Variants in APOB observed in about 807,000 individuals in gnomAD.
APOB encodes apolipoprotein B-100.
In APOB, 153 loss-of-function variants were observed where a neutral mutation model predicts 314.1. That is an observed-to-expected ratio of 0.49 (90% CI 0.43 to 0.56). APOB has a LOEUF of 0.56. Ranked by LOEUF, APOB falls within the 20% of genes least tolerant of loss-of-function variation. APOB has a pLI of 0.00. For synonymous variants in APOB, 2,087 were observed against 2,036.4 expected (o/e 1.02, Z -0.67); for missense variants, 5,430 against 5,350.7 (o/e 1.01, Z -0.46).
chr2:21,023,804 G>A (rs998688316), intron 16 of APOB, 112 bp from the exon 17 acceptor site: 23 of 898,808 alleles, frequency 2.6e-5, no homozygotes, highest in Admixed American at 2.9e-5. Context: ...GGAAAGGAAG[G>A]ACTAGCATAT....
rs776311715 is a variant in APOB, at chr2:21,002,618, C to T, written c.12804G>A (p.Met4268Ile). The T allele has an allele frequency of 6.2e-7, 1 of 1,614,060 alleles. No homozygotes were observed. The highest frequency in any genetic ancestry group is 2.2e-5 in the East Asian group (1 of 44,880). ...ATAAATCTTTCAACAGTTCCCTATA[C>T]ATCGAGATTACATCTATTAGTTTAT... ...RKHKLIDVISMYRELLKDLSK... is the reference protein window; with the variant it reads ...RKHKLIDVISIYRELLKDLSK... Residue 4268 changes from methionine (M) to isoleucine (I), a missense_variant, in exon 29 of 29, where the codon ATG (methionine) becomes ATA (isoleucine). By Grantham distance (10) the Met-to-Ile change is conservative. Coordinates refer to ENST00000233242, the MANE Select transcript of APOB (RefSeq NM_000384.3).
intron 28 of APOB, among the ~76,000 whole-genome samples, chr2:21,004,024 CT>C (rs1663063238): frequency 2.0e-5 from 3 of 152,142 alleles, no homozygotes; most frequent in Non-Finnish European, 4.4e-5. Flanking sequence ...CCTCATCTTC[CT>C]GGATTTGCCC....
chr2:21,038,316 C>CT (rs958603624), intron 4 of APOB, among the ~76,000 whole-genome samples: 33 of 151,178 alleles, frequency 2.2e-4, no homozygotes, highest in East Asian at 5.8e-4. Context: ...TTTGGTGATT[C>CT]TTTTTTTTTC....
chr2:21,013,148 A>G lies in APOB; in HGVS notation c.4216+12T>C, dbSNP rs925946878. On this transcript the variant is annotated intron_variant, in intron 25 of 28. Coordinates refer to ENST00000233242, the MANE Select transcript of APOB (RefSeq NM_000384.3). ...ACTAGCCCGGTGCACCCTTTACCTGAGCATAGCTCACCTTGCACATTGTAG... is the reference window on the plus strand; with the variant it reads ...ACTAGCCCGGTGCACCCTTTACCTGGGCATAGCTCACCTTGCACATTGTAG... The G allele has an allele frequency of 1.2e-6, 2 of 1,613,170 alleles. No individual in the cohort carries two copies. Among genetic ancestry groups the G allele is most frequent in the Non-Finnish European group, 1.7e-6 (2 of 1,179,886 alleles).
At chr2:21,040,603 G>A (rs528825545) in intron 4 of APOB, among the ~76,000 whole-genome samples, 1 of 152,306 alleles carries the variant, frequency 6.6e-6, no homozygotes, top group Non-Finnish European at 1.5e-5. Flanking sequence ...GTGCCTCTGG[G>A]ACCCCACACC....
At position 21,043,907 on chromosome 2, in the gene APOB, C is replaced by T; in HGVS notation, c.39G>A (p.Ala13=). The change falls in exon 1 of 29, where the codon GCG becomes GCA. Residue 13 remains alanine, a synonymous_variant. Coordinates refer to ENST00000233242, the MANE Select transcript of APOB (RefSeq NM_000384.3). The part of the protein sequence containing the change: ...PPRPALLALL[A]LPALLLLLLA... ...GCAGCAGCAGCAGCAGCGCAGGCAG[C>T]GCCAGCAGCGCCAGCAGCGCGGGCC... The T allele has an allele frequency of 2.9e-6, 2 of 680,220 alleles. No individual in the cohort carries two copies. The highest frequency in any genetic ancestry group is 2.1e-6 in the Non-Finnish European group (1 of 485,878). The allele number at this position is 680,220 out of a possible 1,614,324, so 42.1% of individuals were successfully genotyped here. A position where few individuals can be genotyped will look rare whatever the true frequency, so the allele number is the denominator to read the frequency against.
intron 6 of APOB, among the ~76,000 whole-genome samples, chr2:21,036,606 G>A (rs1397926643): frequency 2.6e-5 from 4 of 152,088 alleles, no homozygotes; most frequent in Non-Finnish European, 5.9e-5. Context: ...TGGTACTGGG[G>A]GTGGAAGGAC....
At position 21,009,577 on chromosome 2, in the gene APOB, C is replaced by A. The variant is rs1372688126; in HGVS notation, c.7291G>T (p.Asp2431Tyr). 1.2e-6 allele frequency: 2 copies of A among 1,613,950 alleles called. No individual in the cohort carries two copies. Among genetic ancestry groups the A allele is most frequent in the South Asian group, 1.1e-5 (1 of 91,054 alleles). ...GTTTCATCTACAAACTGGTGGTAAT[C>A]AAATGACTTTAATTTCTTTATCAAC... is the stretch of plus-strand genomic sequence containing the variant. ...DMLIKKLKSFDYHQFVDETND... is the reference protein window; with the variant it reads ...DMLIKKLKSFYYHQFVDETND... The change falls in exon 26 of 29, where the codon GAT (aspartate) becomes TAT (tyrosine). Residue 2431 changes from aspartate (D) to tyrosine (Y), a missense_variant. By Grantham distance (160) the Asp-to-Tyr change is radical (BLOSUM62 -3). This residue lies in a region of APOB where 3,281 missense variants were observed against 3,171.0 expected (regional missense o/e 1.03). Coordinates refer to ENST00000233242, the MANE Select transcript of APOB (RefSeq NM_000384.3).
At position 21,028,002 on chromosome 2, in the gene APOB, T is replaced by C; in HGVS notation, c.1893A>G (p.Arg631=). ...ESQLPTVMDF[R]KFSRNYQLYK... The stretch of plus-strand genomic sequence containing the variant: ...AGAGTTGATAGTTCCGAGAGAATTT[T>C]CTGAAGTCCATGACAGTTGGAAGTT... Residue 631 remains arginine, a synonymous_variant, in exon 14 of 29, where the codon AGA becomes AGG. Coordinates refer to ENST00000233242, the MANE Select transcript of APOB (RefSeq NM_000384.3). The C allele has an allele frequency of 1.2e-6, 2 of 1,614,178 alleles. No homozygotes were observed. The highest frequency in any genetic ancestry group is 1.7e-6 in the Non-Finnish European group (2 of 1,179,980).
intron 24 of APOB, 43 bp from the exon 25 acceptor site, chr2:21,013,576 A>C (rs752708345): frequency 1.9e-6 from 3 of 1,612,856 alleles, no homozygotes; most frequent in Non-Finnish European, 2.5e-6. Flanking sequence ...GTCAGACATC[A>C]GTCATTCAAA....
Position 21,004,593 on chromosome 2 carries a change from T to C in APOB, c.11871A>G (p.Glu3957=), listed in dbSNP as rs2103349803. Residue 3957 remains glutamate, a synonymous_variant, in exon 27 of 29, where the codon GAA becomes GAG. Coordinates refer to ENST00000233242, the MANE Select transcript of APOB (RefSeq NM_000384.3). ...CTTCATATTTGCCATCTTCTTCATA[T>C]TCTGCACTGAAGTCACGGTGTGCAA... The part of the protein sequence containing the change: ...GTFAHRDFSA[E]YEEDGKYEGL... The C allele has an allele frequency of 6.2e-7, 1 of 1,613,972 alleles. No individual in the cohort carries two copies. The highest frequency in any genetic ancestry group is 1.7e-4 in the Middle Eastern group (1 of 6,056).
Position 21,011,052 on chromosome 2 carries a change from G to A in APOB, c.5816C>T (p.Ala1939Val). Residue 1939 changes from alanine to valine, a missense_variant, in exon 26 of 29, where the codon GCA becomes GTA. Ala to Val is a moderately conservative substitution (Grantham distance 64, BLOSUM62 0). Coordinates refer to ENST00000233242, the MANE Select transcript of APOB (RefSeq NM_000384.3). ...TTTGTAATCATGAGAGAAAGTAAATGCCAGAGGTTCTGCTTTCAACAGGAA... is the reference window on the plus strand; with the variant it reads ...TTTGTAATCATGAGAGAAAGTAAATACCAGAGGTTCTGCTTTCAACAGGAA... ...SKFLLKAEPL[A>V]FTFSHDYKGS... The A allele has an allele frequency of 1.2e-6, 2 of 1,614,176 alleles. No homozygotes were observed. Among genetic ancestry groups the A allele is most frequent in the South Asian group, 1.1e-5 (1 of 91,084 alleles).
At chr2:21,037,637 T>C (rs1664039870) in intron 5 of APOB, among the ~76,000 whole-genome samples, 1 of 96,956 alleles carries the variant, frequency 1.0e-5, no homozygotes, top group South Asian at 4.6e-4. Flanking sequence ...GTGTTTAAAA[T>C]ACACACAGGA....
At position 21,002,335 on chromosome 2, in the gene APOB, T is replaced by C. The variant is rs1461045351; in HGVS notation, c.13087A>G (p.Ile4363Val). 6.2e-7 allele frequency: 1 copy of C among 1,612,610 alleles called. No homozygotes were observed. The highest frequency in any genetic ancestry group is 1.3e-5 in the African/African-American group (1 of 74,962). The change falls in exon 29 of 29, where the codon ATT becomes GTT. Residue 4363 changes from isoleucine (I) to valine (V), a missense_variant. Transcript: ENST00000233242. ...GAAGCTTCCTGAAGCTCGTTTTGAA[T>C]AAATTCATTGAACTTATGAAGATTA... ...CLNLHKFNEF[I>V]QNELQEASQE...
intron 21 of APOB, among the ~76,000 whole-genome samples, chr2:21,016,014 G>A (rs1170467377): frequency 6.6e-6 from 1 of 152,206 alleles, no homozygotes; most frequent in Non-Finnish European, 1.5e-5. Flanking sequence ...GCTTGGCCGG[G>A]TGCAGTGGCT....
Position 21,007,712 on chromosome 2 carries a change from ATTGT to A in APOB, c.9152_9155del (p.Asn3051MetfsTer5), listed in dbSNP as rs1558562316. 6.2e-7 allele frequency: 1 copy of A among 1,614,088 alleles called. No homozygotes were observed. Among genetic ancestry groups the A allele is most frequent in the Non-Finnish European group, 8.5e-7 (1 of 1,179,964 alleles). On this transcript the variant is annotated frameshift_variant, in exon 26 of 29. Transcript: ENST00000233242. LOFTEE classifies it high-confidence loss of function. Reference sequence around the variant, plus strand: ...GAAAACGAACTTTCAAATTCCCTTCATTGTTTGTGGATGCCGTGATCTCAAATGG... The same window carrying A: ...GAAAACGAACTTTCAAATTCCCTTCATTGTGGATGCCGTGATCTCAAATGG...
Position 21,002,392 on chromosome 2 carries a change from CAT to C in APOB, c.13028_13029del (p.Tyr4343CysfsTer3), listed in dbSNP as rs760832994. 1.1e-5 allele frequency: 18 copies of C among 1,602,052 alleles called. No homozygotes were observed. Among genetic ancestry groups the C allele is most frequent in the East Asian group, 6.7e-5 (3 of 44,760 alleles). On this transcript the variant is annotated frameshift_variant, in exon 29 of 29. Coordinates refer to ENST00000233242, the MANE Select transcript of APOB (RefSeq NM_000384.3). LOFTEE classifies it low-confidence loss of function (END_TRUNC). ...INTIFSDYIP[Y>X]VFKLLKENLC... ...AGGTTTTCTTTCAACAATTTAAAAA[CAT>C]ATGGGATATAATCACTGAAGATTGT...
At chr2:21,003,390 A>G in intron 28 of APOB, 56 bp from the exon 29 acceptor site, 3 of 1,452,306 alleles carry the variant, frequency 2.1e-6, no homozygotes, top group East Asian at 2.3e-5. Flanking sequence ...ATTACACAAT[A>G]TAGTACACTA....
At chr2:21,025,657 C>T (rs1425943398) in intron 15 of APOB, among the ~76,000 whole-genome samples, 2 of 152,136 alleles carry the variant, frequency 1.3e-5, no homozygotes, top group African/African-American at 2.4e-5. Flanking sequence ...GATCAAAGAT[C>T]CTCGGCCTCA....
Sources: gnomAD v4.1 joint callset for allele counts (sites outside exome capture counted in the v4.1 genomes callset) on GRCh38, gnomAD v4.1.1 for gene constraint, gnomAD v4.1.1 regional missense constraint, MANE v1.5 for transcripts, NCBI Gene and HGNC (gene_info 2026-07-23, HGNC 2026-07-21) for gene names.